Variants in MAF observed in about 807,000 individuals in gnomAD.
The protein encoded by MAF is transcription factor Maf.
Under a neutral mutation model 22.0 loss-of-function variants are expected in MAF, and 10 were observed. That is an observed-to-expected ratio of 0.45 (90% CI 0.28 to 0.77). The LOEUF (loss-of-function observed/expected upper bound fraction) is 0.77, where lower values mean the gene tolerates loss of function less well. Ranked by LOEUF, MAF falls within the 30% of genes least tolerant of loss-of-function variation. The pLI is 0.12. For synonymous variants in MAF, 337 were observed against 255.8 expected, an observed-to-expected ratio of 1.32 and a Z score of -3.03; for missense variants, 544 against 548.4, an observed-to-expected ratio of 0.99 and a Z score of 0.08.
At chr16:79,291,569 T>G in the MAF span, among the ~76,000 whole-genome samples, 2 of 151,482 alleles carry the variant, frequency 1.3e-5, no homozygotes, top group Non-Finnish European at 2.9e-5. Context: ...AGTTTCCTCC[T>G]CTGAACCTAT....
the MAF span, among the ~76,000 whole-genome samples, chr16:79,246,631 T>A: frequency 2.6e-5 from 4 of 151,848 alleles, no homozygotes; most frequent in South Asian, 6.2e-4. Context: ...GGAAATGGGA[T>A]AGAGAATCAA....
the MAF span, among the ~76,000 whole-genome samples, chr16:79,446,986 A>G: frequency 7.2e-5 from 11 of 152,214 alleles, no homozygotes; most frequent in African/African-American, 2.2e-4. Flanking sequence ...TGGTTTCACA[A>G]GAGTTTTTGG....
At chr16:79,437,557 A>T in the MAF span, among the ~76,000 whole-genome samples, 1 of 152,124 alleles carries the variant, frequency 6.6e-6, no homozygotes, top group Non-Finnish European at 1.5e-5. Flanking sequence ...CAGCCACTGC[A>T]CATTCCACCC....
chr16:79,492,709 T>C, the MAF span, among the ~76,000 whole-genome samples: 2 of 152,128 alleles, frequency 1.3e-5, no homozygotes, highest in African/African-American at 4.8e-5. Context: ...AAACAACTAT[T>C]GCTATATGCA....
chr16:79,581,389 T>C (rs1912506232), downstream of MAF, among the ~76,000 whole-genome samples: 1 of 152,198 alleles, frequency 6.6e-6, no homozygotes, highest in South Asian at 2.1e-4. Context: ...TCTATTTTGA[T>C]TAACTTTGCA....
At chr16:79,368,731 C>T in the MAF span, among the ~76,000 whole-genome samples, 1 of 152,158 alleles carries the variant, frequency 6.6e-6, no homozygotes, top group Non-Finnish European at 1.5e-5. Flanking sequence ...GTTGCTTAAA[C>T]TCCTGCCTCG....
chr16:79,478,813 C>T, the MAF span, among the ~76,000 whole-genome samples: 1 of 152,020 alleles, frequency 6.6e-6, no homozygotes, highest in African/African-American at 2.4e-5. Flanking sequence ...CTGTGCACCA[C>T]CCTGGCATAC....
At chr16:79,351,676 G>A in the MAF span, among the ~76,000 whole-genome samples, 2 of 151,752 alleles carry the variant, frequency 1.3e-5, no homozygotes, top group South Asian at 4.2e-4. Context: ...AGTATCCAAG[G>A]CCACTAGTTT....
the MAF span, among the ~76,000 whole-genome samples, chr16:79,533,394 A>T: frequency 6.6e-6 from 1 of 152,182 alleles, no homozygotes; most frequent in Non-Finnish European, 1.5e-5. Flanking sequence ...AAATTCTTGG[A>T]CTATAAAAAT....
chr16:79,366,109 G>A, the MAF span, among the ~76,000 whole-genome samples: 1 of 152,128 alleles, frequency 6.6e-6, no homozygotes, highest in African/African-American at 2.4e-5. Flanking sequence ...TTGTTTTTCT[G>A]TTGCTAAGAA....
At chr16:79,434,380 G>A in the MAF span, among the ~76,000 whole-genome samples, 1 of 152,110 alleles carries the variant, frequency 6.6e-6, no homozygotes, top group Non-Finnish European at 1.5e-5. Flanking sequence ...CAATTTCTAT[G>A]GTGTAAATGC....
At chr16:79,317,502 C>G in the MAF span, among the ~76,000 whole-genome samples, 3 of 135,872 alleles carry the variant, frequency 2.2e-5, no homozygotes, top group Admixed American at 2.3e-4. Flanking sequence ...TTCTCCCTTT[C>G]TTTTCTGCCT....
At chr16:79,335,628 A>G in the MAF span, among the ~76,000 whole-genome samples, 3,051 of 152,214 alleles carry the variant, frequency 0.02, 29 homozygotes, top group South Asian at 0.048. Context: ...GGGACCCCCA[A>G]GGGGAAGGGA....
chr16:79,218,195 A>G, the MAF span, among the ~76,000 whole-genome samples: 1 of 151,984 alleles, frequency 6.6e-6, no homozygotes, highest in Non-Finnish European at 1.5e-5. Context: ...TTGCCTTTCA[A>G]GGATTCATGG....
the MAF span, among the ~76,000 whole-genome samples, chr16:79,528,650 C>G: frequency 6.9e-6 from 1 of 144,366 alleles, no homozygotes; most frequent in South Asian, 2.3e-4. Flanking sequence ...GATATCAATT[C>G]GAAGGGAGAA....
chr16:79,400,883 C>A, the MAF span, among the ~76,000 whole-genome samples: 1 of 152,246 alleles, frequency 6.6e-6, no homozygotes, highest in Non-Finnish European at 1.5e-5. Flanking sequence ...GAAGGAGGAG[C>A]TGCCACTCCA....
At chr16:79,547,175 A>G in the MAF span, among the ~76,000 whole-genome samples, 2 of 151,962 alleles carry the variant, frequency 1.3e-5, no homozygotes, top group Admixed American at 1.3e-4. Flanking sequence ...CCTCTACTCC[A>G]AACAGATACA....
the MAF span, among the ~76,000 whole-genome samples, chr16:79,240,233 T>C: frequency 2.6e-5 from 4 of 151,758 alleles, no homozygotes; most frequent in Non-Finnish European, 5.9e-5. Context: ...TCCAGCAGTC[T>C]TATGTTTTTG....
At chr16:79,511,581 AC>A in the MAF span, among the ~76,000 whole-genome samples, 4 of 152,246 alleles carry the variant, frequency 2.6e-5, no homozygotes, top group African/African-American at 9.6e-5. Flanking sequence ...GTGCGGTGTT[AC>A]ATGCACAAGA....
Sources: gnomAD v4.1 joint callset for allele counts (sites outside exome capture counted in the v4.1 genomes callset) on GRCh38, gnomAD v4.1.1 for gene constraint, MANE v1.5 for transcripts, NCBI Gene and HGNC (gene_info 2026-07-23, HGNC 2026-07-21) for gene names.